The following TDO2 variants were observed in gnomAD, a reference collection of about 807,000 sequenced individuals.
TDO2 encodes the protein tryptamin 2,3-dioxygenase.
A neutral mutation model predicts 61.2 loss-of-function variants in TDO2; 63 were observed. That is an observed-to-expected ratio of 1.03 (90% CI 0.84 to 1.27). The LOEUF (loss-of-function observed/expected upper bound fraction) is 1.27. Ranked by LOEUF, TDO2 falls within the 50% of genes most tolerant of loss-of-function variation. TDO2 has a pLI of 0.00. For missense variants in TDO2, 494 were observed against 469.5 expected (o/e 1.05, Z -0.48); for synonymous variants, 183 against 164.0 (o/e 1.12, Z -0.89).
At position 155,910,210 on chromosome 4, in the gene TDO2, A is replaced by C. The variant is rs762113400; in HGVS notation, c.617A>C (p.Glu206Ala). The change falls in exon 6 of 12, where the codon GAG becomes GCG. Residue 206 changes from glutamate to alanine, a missense_variant and splice_region_variant. Coordinates refer to ENST00000536354, the MANE Select transcript of TDO2 (RefSeq NM_005651.4). ...EQEKTLLELV[E>A]AWLERTPGLE... ...GAAAAGACACTTCTGGAATTAGTGG[A>C]GGTATGGATTCATACAATTTATAAA... The C allele has an allele frequency of 6.4e-7, 1 of 1,562,902 alleles. No individual in the cohort carries two copies. Among genetic ancestry groups the C allele is most frequent in the South Asian group, 1.2e-5 (1 of 82,936 alleles).
Position 155,908,763 on chromosome 4 carries a change from G to A in TDO2, c.304-124G>A, listed in dbSNP as rs1006742083. On this transcript the variant is annotated intron_variant, in intron 4 of 11. Transcript: ENST00000536354. Reference sequence around the variant, plus strand: ...TGTTATATACTCTTTGCAAATTTTAGTTTCAAAGTTTCCCTTTAAAACCAA... The same window carrying A: ...TGTTATATACTCTTTGCAAATTTTAATTTCAAAGTTTCCCTTTAAAACCAA... The A allele has an allele frequency of 4.1e-6, 5 of 1,233,270 alleles. No homozygotes were observed. The African/African-American group carries it at 4.6e-5, about 11-fold the overall frequency. 76.4% of individuals were successfully genotyped at this position (1,233,270 alleles called of 1,614,324 possible). A position where few individuals can be genotyped will look rare whatever the true frequency, so the allele number is the denominator to read the frequency against.
rs1050149193 is a variant in TDO2, at chr4:155,920,270, C to G, written c.*280C>G. 11 of 361,248 alleles carry G rather than the reference C, an allele frequency of 3.0e-5. No homozygotes were observed. The East Asian group carries it at 6.8e-4, about 22-fold the overall frequency. The allele number at this position is 361,248 out of a possible 1,614,324, so 22.4% of individuals were successfully genotyped here. A position where few individuals can be genotyped will look rare whatever the true frequency, so the allele number is the denominator to read the frequency against. On this transcript the variant is annotated 3_prime_UTR_variant, in exon 12 of 12. Transcript: ENST00000536354. ...TTAATGTAACCACTTAATGTAATCA[C>G]TATCTCATTGTTTCATCTTTATAAA...
intron 5 of TDO2, 95 bp downstream of exon 5, chr4:155,909,109 G>C: frequency 1.5e-6 from 2 of 1,307,240 alleles, no homozygotes; most frequent in Non-Finnish European, 1.0e-6. Context: ...GCCATGAGGA[G>C]CCTGTCTTAC....
In TDO2 at chr4:155,918,298, C is replaced by T. The variant is rs560698994; in HGVS notation, c.1067+59C>T. ...CAGTCACCAACAATTTGTTTCTCCACCTATACATTTGCTATCTAAAAAAAG... is the reference window on the plus strand; with the variant it reads ...CAGTCACCAACAATTTGTTTCTCCATCTATACATTTGCTATCTAAAAAAAG... On this transcript the variant is annotated intron_variant, in intron 11 of 11. Transcript: ENST00000536354. 6.1e-5 allele frequency: 94 copies of T among 1,540,304 alleles called. 2 individuals are homozygous for T. The South Asian group carries it at 9.0e-4, about 15-fold the overall frequency.
chr4:155,915,434 G>A (rs998648017), intron 8 of TDO2, among the ~76,000 whole-genome samples: 4 of 152,176 alleles, frequency 2.6e-5, no homozygotes, highest in African/African-American at 9.6e-5. Flanking sequence ...ACATAATTGT[G>A]CTCATTAAAA....
In TDO2 at chr4:155,908,996, T is replaced by C. The variant is rs762554335; in HGVS notation, c.413T>C (p.Leu138Ser). The C allele has an allele frequency of 3.7e-6, 6 of 1,611,582 alleles. No individual in the cohort carries two copies. The highest frequency in any genetic ancestry group is 2.2e-5 in the East Asian group (1 of 44,776). Residue 138 changes from leucine (L) to serine (S), a missense_variant, in exon 5 of 12, where the codon TTG (leucine) becomes TCG (serine). By Grantham distance (145) the Leu-to-Ser change is moderately radical. Coordinates refer to ENST00000536354, the MANE Select transcript of TDO2 (RefSeq NM_005651.4). ...TCCATTCTGGAGACGATGACAGCCT[T>C]GGACTTCAATGACTTCAGGTGTGCA... ...QFSILETMTA[L>S]DFNDFREYLS... is the part of the protein sequence containing the mutation.
In TDO2 at chr4:155,911,560, A is replaced by G; in HGVS notation, c.682A>G (p.Lys228Glu). 1 of 1,603,124 alleles carries G rather than the reference A, an allele frequency of 6.2e-7. No individual in the cohort carries two copies. Among genetic ancestry groups the G allele is most frequent in the Non-Finnish European group, 8.5e-7 (1 of 1,174,070 alleles). The change falls in exon 7 of 12, where the codon AAA becomes GAA. Residue 228 changes from lysine to glutamate, a missense_variant. Coordinates refer to ENST00000536354, the MANE Select transcript of TDO2 (RefSeq NM_005651.4). Reference protein sequence around the residue: ...HGFNFWGKLEKNITRGLEEEF... With the variant: ...HGFNFWGKLEENITRGLEEEF... ...ATTTAACTTCTGGGGAAAGCTTGAAAAAAATATCACCAGAGGCCTGGAAGA... is the reference window on the plus strand; with the variant it reads ...ATTTAACTTCTGGGGAAAGCTTGAAGAAAATATCACCAGAGGCCTGGAAGA...
At chr4:155,904,990 C>A (rs1742691088) in intron 2 of TDO2, 77 bp from the exon 3 acceptor site, 1 of 975,172 alleles carries the variant, frequency 1.0e-6, no homozygotes, top group Admixed American at 3.1e-5. Flanking sequence ...TTGTCATTAT[C>A]ATATTCTACT....
intron 8 of TDO2, among the ~76,000 whole-genome samples, chr4:155,914,715 C>A (rs1168646424): frequency 6.6e-6 from 1 of 151,904 alleles, no homozygotes. Flanking sequence ...TAGTTCACAG[C>A]CTAATAGGGA....
chr4:155,906,284 T>G (rs1010108428), intron 3 of TDO2: 7 of 152,142 alleles, frequency 4.6e-5, no homozygotes, highest in African/African-American at 1.4e-4. Context: ...TAAAAACACT[T>G]TTCTTCTATT....
intron 7 of TDO2, 36 bp downstream of exon 7, chr4:155,911,640 C>T (rs779685351): frequency 5.6e-6 from 7 of 1,244,210 alleles, no homozygotes; most frequent in Admixed American, 2.7e-5. Flanking sequence ...AAATTCAATA[C>T]AGAAATATTC....
At chr4:155,916,321 C>G (rs9307937) in intron 9 of TDO2, among the ~76,000 whole-genome samples, 1 of 141,566 alleles carries the variant, frequency 7.1e-6, no homozygotes, top group Non-Finnish European at 1.5e-5. Context: ...GCGCCCACCA[C>G]CACGCCAGGC....
chr4:155,911,073 T>A (rs1407189164), intron 6 of TDO2, among the ~76,000 whole-genome samples: 1 of 152,072 alleles, frequency 6.6e-6, no homozygotes, highest in Non-Finnish European at 1.5e-5. Context: ...TTAGAAGAGA[T>A]CGTATCTTAT....
chr4:155,915,903 A>G lies in TDO2; in HGVS notation c.887A>G (p.Tyr296Cys). 2 of 1,608,126 alleles carry G rather than the reference A, an allele frequency of 1.2e-6. No homozygotes were observed. Among genetic ancestry groups the G allele is most frequent in the Non-Finnish European group, 1.7e-6 (2 of 1,177,756 alleles). Reference protein sequence around the residue: ...YRALQGALMIYFYREEPRFQV... With the variant: ...YRALQGALMICFYREEPRFQV... ...GCACTTCAGGGAGCATTGATGATAT[A>G]TTTTTACAGGTAAAGCAAATCCGAA... is the stretch of plus-strand genomic sequence containing the variant. Residue 296 changes from tyrosine to cysteine, a missense_variant, in exon 9 of 12, where the codon TAT (tyrosine) becomes TGT (cysteine). Coordinates refer to ENST00000536354, the MANE Select transcript of TDO2 (RefSeq NM_005651.4).
rs1399100388 is a variant in TDO2 at position 155,908,932 on chromosome 4, C to A, written c.349C>A (p.Arg117=). The A allele has an allele frequency of 6.2e-7, 1 of 1,612,740 alleles. No individual in the cohort carries two copies. Among genetic ancestry groups the A allele is most frequent in the South Asian group, 1.1e-5 (1 of 90,814 alleles). ...GCTTAAGGTTGTTTCTCGGATGCACCGAGTGTCAGTGATCCTGAAACTGCT... is the reference window on the plus strand; with the variant it reads ...GCTTAAGGTTGTTTCTCGGATGCACAGAGTGTCAGTGATCCTGAAACTGCT... ...NMLKVVSRMH[R]VSVILKLLVQ... is the part of the protein sequence containing the mutation. Residue 117 remains arginine, a synonymous_variant, in exon 5 of 12, where the codon CGA becomes AGA. Transcript: ENST00000536354.
At chr4:155,913,541 T>C (rs1439681332) in intron 7 of TDO2, among the ~76,000 whole-genome samples, 1 of 152,128 alleles carries the variant, frequency 6.6e-6, no homozygotes, top group Non-Finnish European at 1.5e-5. Context: ...TTAATGACTG[T>C]ACTGGGTTAT....
Position 155,918,159 on chromosome 4 carries a change from G to C in TDO2, c.987G>C (p.Val329=). ...TGTATGTTTGCCTAGATAACCATGT[G>C]TGCATGGTGCACAGAATGCTGGGCA... ...SLMTKWRYNH[V]CMVHRMLGSK... is the part of the protein sequence containing the mutation. The change falls in exon 11 of 12, where the codon GTG becomes GTC. Residue 329 remains valine, a synonymous_variant. Transcript: ENST00000536354. 2 of 1,613,942 alleles carry C rather than the reference G, an allele frequency of 1.2e-6. No individual in the cohort carries two copies. The highest frequency in any genetic ancestry group is 1.7e-6 in the Non-Finnish European group (2 of 1,179,866).
intron 7 of TDO2, among the ~76,000 whole-genome samples, chr4:155,913,509 T>G (rs1348389757): frequency 6.6e-6 from 1 of 152,126 alleles, no homozygotes; most frequent in Non-Finnish European, 1.5e-5. Context: ...TTATGACATA[T>G]AGCATAGTCT....
At chr4:155,916,317 A>G (rs9307936) in intron 9 of TDO2, among the ~76,000 whole-genome samples, 124,583 of 141,328 alleles carry the variant, frequency 0.88, 55,747 homozygotes, top group East Asian at 1. Context: ...ACAGGCGCCC[A>G]CCACCACGCC....
Sources: allele counts gnomAD v4.1 joint callset (sites outside exome capture counted in the v4.1 genomes callset), GRCh38; gene constraint gnomAD v4.1.1; transcripts MANE v1.5; gene names NCBI Gene and HGNC (gene_info 2026-07-23, HGNC 2026-07-21).